The following CRNKL1 variants were observed in gnomAD, a reference collection of about 807,000 sequenced individuals.
CRNKL1 encodes the protein crooked neck pre-mRNA splicing factor 1, also known as crooked neck-like protein 1.
CRNKL1 carries 35 observed loss-of-function variants against 103.7 expected under a neutral mutation model. That is an observed-to-expected ratio of 0.34 (90% CI 0.26 to 0.45). The LOEUF is 0.45. CRNKL1 is among the 20% of genes least tolerant of loss of function. The pLI is 1.00. For missense variants in CRNKL1, 645 were observed against 836.0 expected, an observed-to-expected ratio of 0.77 and a Z score of 2.82; for synonymous variants, 267 against 282.6, an observed-to-expected ratio of 0.94 and a Z score of 0.55.
chr20:20,039,271 G>A (rs182671805), intron 11 of CRNKL1, among the ~76,000 whole-genome samples: 26 of 152,220 alleles, frequency 1.7e-4, no homozygotes, highest in African/African-American at 6.3e-4. Context: ...CATCCCCCTC[G>A]TTCTCCGGGT....
At chr20:20,049,284 G>T in intron 3 of CRNKL1, 56 bp downstream of exon 3, 4 of 974,632 alleles carry the variant, frequency 4.1e-6, no homozygotes, top group South Asian at 1.5e-5. Flanking sequence ...TTTTCTTTTT[G>T]GTATCTGTTA....
intron 1 of CRNKL1, 45 bp from the exon 2 acceptor site, chr20:20,050,667 C>T (rs2043680967): frequency 1.3e-6 from 2 of 1,542,808 alleles, no homozygotes; most frequent in Non-Finnish European, 8.8e-7. Flanking sequence ...TTGCTCTTCA[C>T]ACAAGGCTTA....
intron 4 of CRNKL1, among the ~76,000 whole-genome samples, 165 bp downstream of exon 4, chr20:20,048,178 G>C (rs191822559): frequency 1.3e-5 from 2 of 152,262 alleles, no homozygotes; most frequent in East Asian, 3.9e-4. Flanking sequence ...CATAGCTATA[G>C]AACATTACGA....
At chr20:20,052,814 G>C (rs2043852365), upstream of CRNKL1, 15 of 1,288,672 alleles carry the variant, frequency 1.2e-5, no homozygotes, top group Admixed American at 2.7e-5. Context: ...AGCATGCGAC[G>C]GGGCGAGCTG....
In CRNKL1 at chr20:20,052,449, G is replaced by A. The variant is rs768591710; in HGVS notation, c.-107C>T. 4 of 1,614,248 alleles carry A rather than the reference G, an allele frequency of 2.5e-6. No individual in the cohort carries two copies. The East Asian group carries it at 6.7e-5, about 27-fold the overall frequency. On this transcript the variant is annotated 5_prime_UTR_variant, in exon 1 of 14. Coordinates refer to ENST00000536226, the MANE Select transcript of CRNKL1 (RefSeq NM_001278628.2). ...GCTTTCAGAAAACAAACAGGATCTC[G>A]GAACCGGAAGCGGAACTTGCAGGAC... is the stretch of plus-strand genomic sequence containing the variant.
chr20:20,055,368 G>C (rs2044229011), upstream of CRNKL1, among the ~76,000 whole-genome samples: 1 of 152,110 alleles, frequency 6.6e-6, no homozygotes, highest in Admixed American at 6.5e-5. Context: ...TCTACCTAGA[G>C]CTTTGTGTAG....
upstream of CRNKL1, among the ~76,000 whole-genome samples, chr20:20,055,773 A>G (rs1279211374): frequency 6.6e-6 from 1 of 152,226 alleles, no homozygotes; most frequent in Non-Finnish European, 1.5e-5. Flanking sequence ...GTTAGCTTCG[A>G]TAGGAGTCTA....
At chr20:20,052,237 T>C (rs1391253120) in intron 1 of CRNKL1, 55 bp downstream of exon 1, 2 of 1,487,652 alleles carry the variant, frequency 1.3e-6, no homozygotes, top group Admixed American at 1.8e-5. Context: ...CCCTCAGGGC[T>C]GAGGGATGCC....
At chr20:20,039,426 TGA>T (rs1194199164) in intron 11 of CRNKL1, among the ~76,000 whole-genome samples, 181 bp downstream of exon 11, 2 of 152,176 alleles carry the variant, frequency 1.3e-5, no homozygotes, top group African/African-American at 4.8e-5. Context: ...TGGTATCTAA[TGA>T]GAGGGCTACT....
At position 20,044,258 on chromosome 20, in the gene CRNKL1, A is replaced by G. The variant is rs368328642; in HGVS notation, c.802-596T>C. On this transcript the variant is annotated intron_variant, in intron 6 of 13. Transcript: ENST00000536226. ...ATTAGCCAGAGGCTCTCCTTAAAAT[A>G]TAAATCATATCCAATCACTGTCCCG... Among the ~76,000 whole-genome samples, 9 of 152,298 alleles carry G rather than the reference A, an allele frequency of 5.9e-5. No individual in the cohort carries two copies. The South Asian group carries it at 1.9e-3, about 32-fold the overall frequency.
In CRNKL1 at chr20:20,038,325, A is replaced by G. The variant is rs763555385; in HGVS notation, c.1647+24T>C. ...GGACTGCTGATTCAAGCAAAATGAA[A>G]GATCATCTACAAAGCAAGGATACCT... On this transcript the variant is annotated intron_variant, in intron 12 of 13. Transcript: ENST00000536226. 7.8e-6 allele frequency: 11 copies of G among 1,419,230 alleles called. No individual in the cohort carries two copies. In the African/African-American group the frequency reaches 1.6e-4, roughly 20 times the overall value. 87.9% of individuals were successfully genotyped at this position (1,419,230 alleles called of 1,614,324 possible). A position where few individuals can be genotyped will look rare whatever the true frequency, so the allele number is the denominator to read the frequency against.
Position 20,035,707 on chromosome 20 carries a change from A to G in CRNKL1, c.*488T>C, listed in dbSNP as rs2043408931. 1.3e-5 allele frequency: 2 copies of G among 155,160 alleles called. No individual in the cohort carries two copies. Among genetic ancestry groups the G allele is most frequent in the Admixed American group, 1.3e-4 (2 of 15,856 alleles). The allele number at this position is 155,160 out of a possible 1,614,324, so 9.6% of individuals were successfully genotyped here. A position where few individuals can be genotyped will look rare whatever the true frequency, so the allele number is the denominator to read the frequency against. Reference sequence around the variant, plus strand: ...AGCACTTACTATGCACCCACCAGGTATATTCCTTTTATAATGTAATCTTCA... The same window carrying G: ...AGCACTTACTATGCACCCACCAGGTGTATTCCTTTTATAATGTAATCTTCA... On this transcript the variant is annotated 3_prime_UTR_variant, in exon 14 of 14. Transcript: ENST00000536226.
intron 1 of CRNKL1, 91 bp from the exon 2 acceptor site, chr20:20,050,713 G>A (rs2043685662): frequency 8.4e-7 from 1 of 1,196,748 alleles, no homozygotes; most frequent in African/African-American, 1.5e-5. Flanking sequence ...TATGAACTTT[G>A]TTAGTATTAT....
intron 1 of CRNKL1, among the ~76,000 whole-genome samples, chr20:20,051,755 A>G (rs2043745095): frequency 6.6e-6 from 1 of 151,100 alleles, no homozygotes; most frequent in African/African-American, 2.5e-5. Flanking sequence ...TCTACTGTTT[A>G]ATTAACTTAT....
Position 20,035,476 on chromosome 20 carries a change from A to ATTAT in CRNKL1, c.*715_*718dup, listed in dbSNP as rs2146477495. ...GAGAACTGATGAGCGCCTAACTGAA[A>ATTAT]TTATTAGACTAAATTCTTAGTAAAC... On this transcript the variant is annotated 3_prime_UTR_variant, in exon 14 of 14. Transcript: ENST00000536226. The ATTAT allele has an allele frequency of 6.6e-6, 1 of 152,350 alleles. No individual in the cohort carries two copies. Among genetic ancestry groups the ATTAT allele is most frequent in the Non-Finnish European group, 1.5e-5 (1 of 68,038 alleles). 9.4% of individuals were successfully genotyped at this position (152,350 alleles called of 1,614,324 possible). A position where few individuals can be genotyped will look rare whatever the true frequency, so the allele number is the denominator to read the frequency against.
Position 20,035,374 on chromosome 20 carries a change from G to C in CRNKL1, c.*821C>G, listed in dbSNP as rs2043403595. ...GAATTTCCCAAATTTATGTGAACAT[G>C]GGACATCATTTTTCATAGCACACAC... On this transcript the variant is annotated 3_prime_UTR_variant, in exon 14 of 14. Coordinates refer to ENST00000536226, the MANE Select transcript of CRNKL1 (RefSeq NM_001278628.2). The C allele has an allele frequency of 1.3e-5, 2 of 152,162 alleles. No homozygotes were observed. Among genetic ancestry groups the C allele is most frequent in the Non-Finnish European group, 2.9e-5 (2 of 68,020 alleles). The allele number at this position is 152,162 out of a possible 1,614,324, so 9.4% of individuals were successfully genotyped here.
intron 5 of CRNKL1, 25 bp from the exon 6 acceptor site, chr20:20,045,511 A>AGG: frequency 6.4e-7 from 1 of 1,572,156 alleles, no homozygotes; most frequent in Non-Finnish European, 8.7e-7. Context: ...AGGAAATCCC[A>AGG]GGCAAAACAG....
At chr20:20,052,057 GAACCACCCCACTCCACTCCCCAGCAA>G (rs2043761636) in intron 1 of CRNKL1, among the ~76,000 whole-genome samples, 1 of 151,982 alleles carries the variant, frequency 6.6e-6, no homozygotes, top group Non-Finnish European at 1.5e-5. Context: ...AATCTTCACC[GAACCACCCCACTCCACTCCCCAGCAA>G]AACCACCCCA....
chr20:20,048,088 A>AT (rs1028741412), intron 4 of CRNKL1, among the ~76,000 whole-genome samples, 157 bp from the exon 5 acceptor site: 8 of 151,936 alleles, frequency 5.3e-5, no homozygotes, highest in South Asian at 2.1e-4. Flanking sequence ...GGAAAAAAAG[A>AT]TTTTTTTTTC....
Sources: allele counts gnomAD v4.1 joint callset (sites outside exome capture counted in the v4.1 genomes callset), GRCh38; gene constraint gnomAD v4.1.1; transcripts MANE v1.5; gene names NCBI Gene and HGNC (gene_info 2026-07-23, HGNC 2026-07-21).